Variants in SCHIP1 observed in about 807,000 individuals in gnomAD.
The protein encoded by SCHIP1 is schwannomin interacting protein 1.
In SCHIP1, 8 loss-of-function variants were observed where a neutral mutation model predicts 29.7. The observed-to-expected ratio is 0.27, with a 90% confidence interval of 0.16 to 0.49. The LOEUF is 0.49. Among genes scored for constraint, SCHIP1 ranks in the 20% least tolerant of loss-of-function variants. SCHIP1 has a pLI of 0.99. For synonymous variants in SCHIP1, 76 were observed against 94.9 expected (o/e 0.80, Z 1.16); for missense variants, 193 against 294.6 (o/e 0.66, Z 2.52).
At chr3:159,711,848 A>T in the SCHIP1 span, among the ~76,000 whole-genome samples, 1 of 152,186 alleles carries the variant, frequency 6.6e-6, no homozygotes, top group African/African-American at 2.4e-5. Context: ...GCTCTGAAGG[A>T]AGCTGCCAAC....
chr3:159,440,213 A>G, the SCHIP1 span, among the ~76,000 whole-genome samples: 3 of 152,060 alleles, frequency 2.0e-5, no homozygotes, highest in Non-Finnish European at 2.9e-5. Flanking sequence ...GATTGTTCAT[A>G]GGTATGCAGT....
At chr3:159,584,702 A>T in the SCHIP1 span, among the ~76,000 whole-genome samples, 1 of 152,126 alleles carries the variant, frequency 6.6e-6, no homozygotes, top group Non-Finnish European at 1.5e-5. Context: ...CAACATCAAT[A>T]TCACCTGGGA....
the SCHIP1 span, among the ~76,000 whole-genome samples, chr3:159,607,305 A>T: frequency 6.6e-6 from 1 of 152,150 alleles, no homozygotes. Context: ...TTTTTTCTTA[A>T]ATCATATATA....
At chr3:159,348,726 A>C in the SCHIP1 span, among the ~76,000 whole-genome samples, 2 of 152,158 alleles carry the variant, frequency 1.3e-5, no homozygotes, top group Non-Finnish European at 2.9e-5. Context: ...CAATAAAGTA[A>C]AATTATGAAA....
At chr3:159,711,942 T>TTGCTGC in the SCHIP1 span, among the ~76,000 whole-genome samples, 256 of 151,412 alleles carry the variant, frequency 1.7e-3, 4 homozygotes, top group East Asian at 0.031. Flanking sequence ...TAGGAAGATA[T>TTGCTGC]TGCTGCTGCT....
chr3:159,742,834 A>ATTTTTTTTTTTTTTT, the SCHIP1 span, among the ~76,000 whole-genome samples: 7 of 110,820 alleles, frequency 6.3e-5, no homozygotes, highest in South Asian at 2.9e-4. Context: ...CGCCTAGCTA[A>ATTTTTTTTTTTTTTT]TTTTTTTTTT....
exon 1 of SCHIP1, chr3:159,839,922 G>A (rs1744055458): frequency 5.7e-6 from 8 of 1,404,234 alleles, no homozygotes; most frequent in Non-Finnish European, 7.4e-6. Flanking sequence ...CCCTCCCCCA[G>A]CCCGGTCCCA....
chr3:159,321,894 T>G, the SCHIP1 span, among the ~76,000 whole-genome samples: 255 of 152,270 alleles, frequency 1.7e-3, 2 homozygotes, highest in African/African-American at 5.9e-3. Context: ...AACAGTGTTA[T>G]TTCAAAATTA....
the SCHIP1 span, among the ~76,000 whole-genome samples, chr3:159,286,117 AT>A: frequency 0.33 from 49,899 of 151,864 alleles, 9,068 homozygotes; most frequent in Non-Finnish European, 0.42. Context: ...GTTTGTTGTA[AT>A]ATAGGTAAAT....
the SCHIP1 span, among the ~76,000 whole-genome samples, chr3:159,696,586 C>A: frequency 6.6e-6 from 1 of 152,150 alleles, no homozygotes; most frequent in Non-Finnish European, 1.5e-5. Flanking sequence ...ATATTTATTC[C>A]CATGTGTCCT....
chr3:159,590,062 T>C, the SCHIP1 span, among the ~76,000 whole-genome samples: 1 of 152,208 alleles, frequency 6.6e-6, no homozygotes, highest in Non-Finnish European at 1.5e-5. Context: ...TGCTTTTCTT[T>C]GCTAAATCTC....
chr3:159,412,167 T>G, the SCHIP1 span, among the ~76,000 whole-genome samples: 5 of 152,182 alleles, frequency 3.3e-5, no homozygotes, highest in African/African-American at 1.2e-4. Flanking sequence ...GCAACTCCTT[T>G]CAATACCACT....
chr3:159,597,118 C>A, the SCHIP1 span, among the ~76,000 whole-genome samples: 1 of 151,926 alleles, frequency 6.6e-6, no homozygotes, highest in East Asian at 1.9e-4. Flanking sequence ...ATGGGGGAAA[C>A]AAACAGCCCA....
the SCHIP1 span, among the ~76,000 whole-genome samples, chr3:159,450,848 G>A: frequency 6.8e-5 from 9 of 132,362 alleles, no homozygotes; most frequent in Admixed American, 8.7e-5. Context: ...TCGCTCTGTC[G>A]CCCAGGCTGG....
the SCHIP1 span, among the ~76,000 whole-genome samples, chr3:159,706,966 T>C: frequency 1.2e-4 from 19 of 152,336 alleles, no homozygotes; most frequent in East Asian, 2.5e-3. Flanking sequence ...TCCAGCACTC[T>C]TAAGTGCTGG....
At chr3:159,871,412 T>C (rs1449867438) in intron 2 of SCHIP1, among the ~76,000 whole-genome samples, 4 of 141,694 alleles carry the variant, frequency 2.8e-5, no homozygotes, top group Non-Finnish European at 6.4e-5. Flanking sequence ...ATATATACTT[T>C]GTTCTGTCTT....
intron 5 of SCHIP1, among the ~76,000 whole-genome samples, chr3:159,891,424 G>A (rs1257819372): frequency 6.6e-6 from 1 of 152,042 alleles, no homozygotes; most frequent in African/African-American, 2.4e-5. Context: ...GAGCGAGGGA[G>A]GGAGGGAAGA....
the SCHIP1 span, among the ~76,000 whole-genome samples, chr3:159,290,932 AT>A: frequency 1.3e-5 from 2 of 152,114 alleles, no homozygotes; most frequent in African/African-American, 4.8e-5. Flanking sequence ...TAAAATAGCA[AT>A]ATAAGCATAA....
chr3:159,376,714 C>G, the SCHIP1 span, among the ~76,000 whole-genome samples: 1 of 152,166 alleles, frequency 6.6e-6, no homozygotes, highest in Admixed American at 6.5e-5. Flanking sequence ...TTTTACCTCT[C>G]AGGCCTGTCC....
Sources: gnomAD v4.1 joint callset for allele counts (sites outside exome capture counted in the v4.1 genomes callset) on GRCh38, gnomAD v4.1.1 for gene constraint, MANE v1.5 for transcripts, NCBI Gene and HGNC (gene_info 2026-07-23, HGNC 2026-07-21) for gene names.